RRP15: variants seen among roughly 807,000 people sequenced by gnomAD.
RRP15 encodes the protein ribosomal RNA processing 15 homolog, also known as RRP15-like protein.
In RRP15, 18 loss-of-function variants were observed where a neutral mutation model predicts 27.1. The observed-to-expected ratio is 0.66, with a 90% CI of 0.46 to 0.98. The LOEUF (loss-of-function observed/expected upper bound fraction) is 0.98. Ranked by LOEUF, RRP15 falls within the 50% of genes least tolerant of loss-of-function variation. The pLI is 0.00. For missense variants in RRP15, 359 were observed against 337.8 expected, an observed-to-expected ratio of 1.06 and a Z score of -0.49; for synonymous variants, 107 against 109.4, an observed-to-expected ratio of 0.98 and a Z score of 0.14.
chr1:218,298,587 G>T (rs953176575), intron 1 of RRP15, among the ~76,000 whole-genome samples: 4 of 152,192 alleles, frequency 2.6e-5, no homozygotes, highest in Admixed American at 2.6e-4. Flanking sequence ...GGAACAGATG[G>T]CAAGTTTGAA....
intron 4 of RRP15, 64 bp downstream of exon 4, chr1:218,307,696 G>A: frequency 9.2e-7 from 1 of 1,083,416 alleles, no homozygotes; most frequent in Non-Finnish European, 1.4e-6. Flanking sequence ...TCTTGAGATG[G>A]AAAACCAGAC....
chr1:218,286,848 A>G (rs1231311493), intron 1 of RRP15, among the ~76,000 whole-genome samples: 1 of 152,188 alleles, frequency 6.6e-6, no homozygotes, highest in African/African-American at 2.4e-5. Flanking sequence ...TCTGGTTCTG[A>G]TATTTTTTAA....
In RRP15 at chr1:218,330,932, C is replaced by G; in HGVS notation, c.706-16C>G. ...GAATTGACTTTTGAATATTTTGATTCTATAATTTTCCTTAGACTGAAGTGA... is the reference window on the plus strand; with the variant it reads ...GAATTGACTTTTGAATATTTTGATTGTATAATTTTCCTTAGACTGAAGTGA... On this transcript the variant is annotated splice_polypyrimidine_tract_variant and intron_variant, in intron 4 of 4. Transcript: ENST00000366932. 6.2e-7 allele frequency: 1 copy of G among 1,604,126 alleles called. No individual in the cohort carries two copies. The highest frequency in any genetic ancestry group is 8.5e-7 in the Non-Finnish European group (1 of 1,174,408).
At chr1:218,296,183 G>T (rs1044054072) in intron 1 of RRP15, among the ~76,000 whole-genome samples, 7 of 152,126 alleles carry the variant, frequency 4.6e-5, no homozygotes, top group Non-Finnish European at 7.4e-5. Flanking sequence ...TTAATGAGTA[G>T]TTACATTAGT....
Position 218,285,359 on chromosome 1 carries a change from A to C in RRP15, c.43A>C (p.Asn15His). The C allele has an allele frequency of 6.2e-7, 1 of 1,614,154 alleles. No homozygotes were observed. Among genetic ancestry groups the C allele is most frequent in the Non-Finnish European group, 8.5e-7 (1 of 1,180,026 alleles). The part of the protein sequence containing the change: ...APDSRVSEEE[N>H]LKKTPKKKMK... ...GGACTCACGTGTGAGTGAGGAAGAA[A>C]ACCTGAAAAAGACCCCAAAGAAGAA... The change falls in exon 1 of 5, where the codon AAC becomes CAC. Residue 15 changes from asparagine (N) to histidine (H), a missense_variant. Asn to His is a moderately conservative substitution (Grantham distance 68). Transcript: ENST00000366932.
chr1:218,331,035 G>T lies in RRP15; in HGVS notation c.793G>T (p.Glu265Ter), dbSNP rs755202717. 7 of 1,613,672 alleles carry T rather than the reference G, an allele frequency of 4.3e-6. No homozygotes were observed. The African/African-American group carries it at 9.3e-5, about 22-fold the overall frequency. The change falls in exon 5 of 5, where the codon GAA (glutamate) becomes TAA (stop). Residue 265 changes from glutamate (E) to a stop codon, truncating the protein, a stop_gained. Coordinates refer to ENST00000366932, the MANE Select transcript of RRP15 (RefSeq NM_016052.4). LOFTEE classifies it high-confidence loss of function. Reference protein sequence around the residue: ...MGASMKDWDKESDGPDDSRPE... With the variant: ...MGASMKDWDK Reference sequence around the variant, plus strand: ...AGCATCTATGAAAGACTGGGACAAGGAAAGTGATGGGCCAGATGACAGCAG... The same window carrying T: ...AGCATCTATGAAAGACTGGGACAAGTAAAGTGATGGGCCAGATGACAGCAG...
At chr1:218,305,535 A>G (rs1254305878) in intron 3 of RRP15, among the ~76,000 whole-genome samples, 3 of 152,160 alleles carry the variant, frequency 2.0e-5, no homozygotes, top group Non-Finnish European at 4.4e-5. Context: ...ATTGGCACCA[A>G]ACGTTTACTT....
chr1:218,293,526 A>G (rs1281113087), intron 1 of RRP15, among the ~76,000 whole-genome samples: 2 of 152,188 alleles, frequency 1.3e-5, no homozygotes, highest in African/African-American at 4.8e-5. Context: ...AGGAAACTGA[A>G]TCAGGCACTT....
At chr1:218,306,528 A>G (rs1393073532) in intron 3 of RRP15, among the ~76,000 whole-genome samples, 1 of 152,174 alleles carries the variant, frequency 6.6e-6, no homozygotes, top group Non-Finnish European at 1.5e-5. Context: ...TCCAGCAACC[A>G]TATGCAGGGA....
At chr1:218,314,829 A>G (rs1482484434) in intron 4 of RRP15, among the ~76,000 whole-genome samples, 1 of 151,558 alleles carries the variant, frequency 6.6e-6, no homozygotes, top group Non-Finnish European at 1.5e-5. Flanking sequence ...CGTCTCTACT[A>G]AAAAATACAA....
chr1:218,288,823 G>T (rs1394828553), intron 1 of RRP15, among the ~76,000 whole-genome samples: 1 of 152,156 alleles, frequency 6.6e-6, no homozygotes, highest in Non-Finnish European at 1.5e-5. Context: ...TTTGTGTTCA[G>T]ATTTCTATAG....
chr1:218,307,487 A>G lies in RRP15; in HGVS notation c.560A>G (p.Lys187Arg), dbSNP rs750014109. The G allele has an allele frequency of 6.2e-7, 1 of 1,613,968 alleles. No homozygotes were observed. Among genetic ancestry groups the G allele is most frequent in the East Asian group, 2.2e-5 (1 of 44,842 alleles). The change falls in exon 4 of 5, where the codon AAG (lysine) becomes AGG (arginine). Residue 187 changes from lysine (K) to arginine (R), a missense_variant. Transcript: ENST00000366932. Reference protein sequence around the residue: ...VQKHQKNVDEKVKEAGSSMRK... With the variant: ...VQKHQKNVDERVKEAGSSMRK... ...AAACATCAAAAGAATGTTGATGAAA[A>G]GGTTAAGGAAGCTGGAAGTTCTATG... is the stretch of plus-strand genomic sequence containing the variant.
chr1:218,291,072 G>C (rs893334674), intron 1 of RRP15, among the ~76,000 whole-genome samples: 1 of 152,052 alleles, frequency 6.6e-6, no homozygotes, highest in Admixed American at 6.6e-5. Context: ...CTGGGAGTTC[G>C]AGACTGCAGT....
intron 4 of RRP15, among the ~76,000 whole-genome samples, chr1:218,320,097 A>G (rs1452835329): frequency 6.8e-6 from 1 of 147,744 alleles, no homozygotes; most frequent in Non-Finnish European, 1.5e-5. Context: ...TTTAGGGTAC[A>G]TGTGCACAAT....
At chr1:218,304,770 G>A (rs1320540310) in intron 2 of RRP15, among the ~76,000 whole-genome samples, 2 of 152,148 alleles carry the variant, frequency 1.3e-5, no homozygotes, top group East Asian at 1.9e-4. Flanking sequence ...CTGCCTGGCC[G>A]AATATGCTGG....
intron 4 of RRP15, among the ~76,000 whole-genome samples, chr1:218,328,608 AG>A (rs1656314085): frequency 6.6e-6 from 1 of 151,904 alleles, no homozygotes; most frequent in Non-Finnish European, 1.5e-5. Context: ...GCTTGCAGTG[AG>A]CCGAGATTGC....
chr1:218,289,763 A>G (rs1044111917), intron 1 of RRP15, among the ~76,000 whole-genome samples: 1 of 152,078 alleles, frequency 6.6e-6, no homozygotes, highest in African/African-American at 2.4e-5. Flanking sequence ...GGTCACCCCA[A>G]CCTCCACCTC....
chr1:218,290,365 TAGGCTCCTGTG>T (rs1402078599), intron 1 of RRP15, among the ~76,000 whole-genome samples: 2 of 152,236 alleles, frequency 1.3e-5, no homozygotes, highest in African/African-American at 4.8e-5. Context: ...AATACAGTTT[TAGGCTCCTGTG>T]AGCCTCTGGT....
Position 218,299,164 on chromosome 1 carries a change from G to A in RRP15, c.140-3130G>A, listed in dbSNP as rs116532759. Among the ~76,000 whole-genome samples, 1,142 of 152,144 alleles carry A rather than the reference G, an allele frequency of 7.5e-3. 19 individuals carry two copies. Among genetic ancestry groups the A allele is most frequent in the African/African-American group, 0.026 (1,094 of 41,506 alleles). On this transcript the variant is annotated intron_variant, in intron 1 of 4. Coordinates refer to ENST00000366932, the MANE Select transcript of RRP15 (RefSeq NM_016052.4). ...GTAAATCCTATTTTTTTAGTATGCT[G>A]GGAGACTTCATTACTTTGGCATTTT...
Sources: gnomAD v4.1 joint callset for allele counts (sites outside exome capture counted in the v4.1 genomes callset) on GRCh38, gnomAD v4.1.1 for gene constraint, MANE v1.5 for transcripts, NCBI Gene and HGNC (gene_info 2026-07-23, HGNC 2026-07-21) for gene names.